ZNF324B: variants seen among roughly 807,000 people sequenced by gnomAD.
The protein encoded by ZNF324B is zinc finger protein 324B.
ZNF324B carries 7 observed loss-of-function variants against 10.6 expected under a neutral mutation model. That is an observed-to-expected ratio of 0.66 (90% CI 0.38 to 1.24). The LOEUF is 1.24. Among genes scored for constraint, ZNF324B ranks in the 50% most tolerant of loss-of-function variants. The probability of loss-of-function intolerance (pLI) is 0.02; values close to 1 mark genes in which losing one functional copy is unlikely to be tolerated. For synonymous variants in ZNF324B, 316 were observed against 321.0 expected (o/e 0.98, Z 0.17); for missense variants, 640 against 764.7 (o/e 0.84, Z 1.92).
chr19:58,455,527 C>T lies in ZNF324B; in HGVS notation c.583C>T (p.Gln195Ter). The T allele has an allele frequency of 6.2e-7, 1 of 1,614,066 alleles. No individual in the cohort carries two copies. The highest frequency in any genetic ancestry group is 8.5e-7 in the Non-Finnish European group (1 of 1,180,020). Residue 195 changes from glutamine to a stop codon, truncating the protein, a stop_gained, in exon 4 of 4, where the codon CAG (glutamine) becomes TAG (stop). Coordinates refer to ENST00000336614, the MANE Select transcript of ZNF324B (RefSeq NM_207395.3). LOFTEE classifies it low-confidence loss of function (END_TRUNC). The surrounding 1 kb of genome is among the most constrained non-coding windows in gnomAD (Gnocchi z 7.0). ...PGRQPRTPERQKPCAQEVPGR... is the reference protein window; with the variant it reads ...PGRQPRTPER ...GAGGCAGCCCAGGACGCCTGAGCGG[C>T]AGAAGCCATGTGCACAGGAGGTCCC...
chr19:58,423,729 C>T, the ZNF324B span, among the ~76,000 whole-genome samples: 5 of 152,168 alleles, frequency 3.3e-5, 1 homozygote, highest in Middle Eastern at 0.014. Flanking sequence ...ACATAGACCA[C>T]GGAAACATAA....
At chr19:58,431,301 T>C in the ZNF324B span, among the ~76,000 whole-genome samples, 1 of 152,222 alleles carries the variant, frequency 6.6e-6, no homozygotes, top group Admixed American at 6.5e-5. Flanking sequence ...GTACTGGTCC[T>C]GTCACATATC....
the ZNF324B span, among the ~76,000 whole-genome samples, chr19:58,438,939 T>C: frequency 5.3e-5 from 8 of 152,016 alleles, no homozygotes; most frequent in African/African-American, 1.9e-4. Context: ...TCCTGGCTAA[T>C]TTTTCTGTAT....
the ZNF324B span, chr19:58,445,939 AG>A: frequency 6.2e-6 from 1 of 160,588 alleles, no homozygotes; most frequent in African/African-American, 2.4e-5. Context: ...GTTTGAGACC[AG>A]CCTGGCCAAC....
the ZNF324B span, chr19:58,431,232 G>C: frequency 6.6e-6 from 1 of 152,388 alleles, no homozygotes; most frequent in Non-Finnish European, 1.5e-5. Context: ...TCAGCCAGGA[G>C]TACAATCTTT....
At chr19:58,435,564 T>A in the ZNF324B span, 1 of 188,438 alleles carries the variant, frequency 5.3e-6, no homozygotes, top group Non-Finnish European at 1.1e-5. Context: ...CATAATGAGA[T>A]ACCACTTCAC....
the ZNF324B span, chr19:58,433,179 G>T: frequency 1.2e-6 from 1 of 844,502 alleles, no homozygotes; most frequent in Non-Finnish European, 1.8e-6. Context: ...AAGGTTCCTG[G>T]GCTGGTCAGA....
In ZNF324B at chr19:58,457,567, T is replaced by G. The variant is rs1183265964; in HGVS notation, c.*988T>G. ...CTTTCCCTTGTTATGCCTCCTCAAT[T>G]GGAGGCTGGACAGAGAGCTGAATAG... On this transcript the variant is annotated 3_prime_UTR_variant, in exon 4 of 4. Coordinates refer to ENST00000336614, the MANE Select transcript of ZNF324B (RefSeq NM_207395.3). 7.5e-6 allele frequency: 1 copy of G among 134,000 alleles called. No homozygotes were observed. Among genetic ancestry groups the G allele is most frequent in the Non-Finnish European group, 1.6e-5 (1 of 64,104 alleles). The allele number at this position is 134,000 out of a possible 1,614,324, so 8.3% of individuals were successfully genotyped here. A position where few individuals can be genotyped will look rare whatever the true frequency, so the allele number is the denominator to read the frequency against.
At chr19:58,436,875 A>T in the ZNF324B span, 1 of 908,284 alleles carries the variant, frequency 1.1e-6, no homozygotes, top group Admixed American at 1.8e-5. Flanking sequence ...GAGGCTGCTC[A>T]GAGAGAGACA....
chr19:58,456,284 A>T lies in ZNF324B; in HGVS notation c.1340A>T (p.His447Leu). Residue 447 changes from histidine to leucine, a missense_variant, in exon 4 of 4, where the codon CAC (histidine) becomes CTC (leucine). Coordinates refer to ENST00000336614, the MANE Select transcript of ZNF324B (RefSeq NM_207395.3). The surrounding 1 kb of genome is among the most constrained non-coding windows in gnomAD (Gnocchi z 4.7). ...AACCTCACCCAGCACCAGCTCCTGC[A>T]CACGGGCGAGCGGCCCTTCCGCTGC... is the stretch of plus-strand genomic sequence containing the variant. ...SSNLTQHQLL[H>L]TGERPFRCVD... 2 of 1,613,072 alleles carry T rather than the reference A, an allele frequency of 1.2e-6. No homozygotes were observed. Among genetic ancestry groups the T allele is most frequent in the Non-Finnish European group, 1.7e-6 (2 of 1,179,868 alleles).
chr19:58,431,341 C>T, the ZNF324B span, among the ~76,000 whole-genome samples: 1 of 152,220 alleles, frequency 6.6e-6, no homozygotes, highest in Non-Finnish European at 1.5e-5. Flanking sequence ...GTGACATTCA[C>T]ATAGGCAGGG....
the ZNF324B span, chr19:58,434,405 A>G: frequency 1.3e-5 from 21 of 1,614,236 alleles, no homozygotes; most frequent in Non-Finnish European, 1.8e-5. Flanking sequence ...TCACACTCAT[A>G]AGGTCTTTCT....
the ZNF324B span, among the ~76,000 whole-genome samples, chr19:58,426,129 C>G: frequency 6.6e-6 from 1 of 152,158 alleles, no homozygotes; most frequent in Non-Finnish European, 1.5e-5. Context: ...GTTGTCAGGC[C>G]ATGCCTCCCC....
chr19:58,456,936 G>T lies in ZNF324B; in HGVS notation c.*357G>T. 1 of 329,542 alleles carries T rather than the reference G, an allele frequency of 3.0e-6. No homozygotes were observed. The highest frequency in any genetic ancestry group is 5.3e-5 in the South Asian group (1 of 18,896). The allele number at this position is 329,542 out of a possible 1,614,324, so 20.4% of individuals were successfully genotyped here. On this transcript the variant is annotated 3_prime_UTR_variant, in exon 4 of 4. Coordinates refer to ENST00000336614, the MANE Select transcript of ZNF324B (RefSeq NM_207395.3). This position sits in a 1 kb window ranked among gnomAD's most constrained non-coding sequence, Gnocchi z 4.7. ...ATGAGAGTGGATGCTGAGGTGAGGG[G>T]GATGCGGACATGGGGTAGGATGACC... is the stretch of plus-strand genomic sequence containing the variant.
At chr19:58,434,231 A>C in the ZNF324B span, 5 of 1,614,050 alleles carry the variant, frequency 3.1e-6, no homozygotes, top group Non-Finnish European at 4.2e-6. Flanking sequence ...CATTGACTGC[A>C]CTCATAAGGT....
the ZNF324B span, chr19:58,433,343 G>A: frequency 1.2e-6 from 2 of 1,613,132 alleles, no homozygotes; most frequent in East Asian, 4.5e-5. Flanking sequence ...ATCTTTTTAT[G>A]CTGTGCAAGG....
chr19:58,446,066 C>T, the ZNF324B span, among the ~76,000 whole-genome samples: 7 of 152,186 alleles, frequency 4.6e-5, no homozygotes, highest in South Asian at 2.1e-4. Context: ...TCCTGGAAGG[C>T]GGAGATTGCA....
chr19:58,432,253 C>G, the ZNF324B span: 1 of 509,814 alleles, frequency 2.0e-6, no homozygotes, highest in Non-Finnish European at 3.9e-6. Context: ...TGCCAAGATA[C>G]AGTTTGAGAG....
chr19:58,442,182 G>A, the ZNF324B span: 1 of 32,264 alleles, frequency 3.1e-5, no homozygotes, highest in Non-Finnish European at 5.5e-5. Flanking sequence ...TTTTTTTTGA[G>A]ACGGAGTCTC....
Sources: allele counts gnomAD v4.1 joint callset (sites outside exome capture counted in the v4.1 genomes callset), GRCh38; gene constraint gnomAD v4.1.1; non-coding constraint Gnocchi (gnomAD v3.1); transcripts MANE v1.5; gene names NCBI Gene and HGNC (gene_info 2026-07-23, HGNC 2026-07-21).